Variants in TAOK3 observed in about 807,000 individuals in gnomAD.
TAOK3 encodes the protein TAO kinase 3.
TAOK3 carries 40 observed loss-of-function variants against 120.4 expected under a neutral mutation model. The ratio of observed to expected loss-of-function variants is 0.33; its 90% CI spans 0.26 to 0.43. The LOEUF (loss-of-function observed/expected upper bound fraction) is 0.43. Among genes scored for constraint, TAOK3 ranks in the 20% least tolerant of loss-of-function variants. The probability of loss-of-function intolerance (pLI) is 1.00; values close to 1 mark genes in which losing one functional copy is unlikely to be tolerated. For synonymous variants in TAOK3, 355 were observed against 387.5 expected, an observed-to-expected ratio of 0.92 and a Z score of 0.99; for missense variants, 821 against 1,112.1, an observed-to-expected ratio of 0.74 and a Z score of 3.72.
intron 11 of TAOK3, among the ~76,000 whole-genome samples, chr12:118,206,855 A>G (rs1254229531): frequency 1.3e-5 from 2 of 151,892 alleles, no homozygotes; most frequent in Non-Finnish European, 2.9e-5. Flanking sequence ...TCAGCCTCCA[A>G]AAGTGCTGGG....
chr12:118,188,868 G>A (rs1009576431), intron 14 of TAOK3, among the ~76,000 whole-genome samples: 2 of 152,216 alleles, frequency 1.3e-5, no homozygotes, highest in African/African-American at 4.8e-5. Context: ...TGAGAAGTGA[G>A]ATTCAGAAGC....
chr12:118,225,646 A>C (rs1005860766), intron 9 of TAOK3, among the ~76,000 whole-genome samples: 2 of 152,172 alleles, frequency 1.3e-5, no homozygotes, highest in African/African-American at 4.8e-5. Context: ...TACTACCGTT[A>C]AATATTCACC....
chr12:118,304,677 T>C (rs1566090403), intron 1 of TAOK3, among the ~76,000 whole-genome samples: 3 of 152,232 alleles, frequency 2.0e-5, no homozygotes, highest in Non-Finnish European at 4.4e-5. Context: ...GTTATATGTG[T>C]ACAACTTGTA....
At chr12:118,153,656 G>A (rs1340242902) in intron 19 of TAOK3, among the ~76,000 whole-genome samples, 1 of 152,192 alleles carries the variant, frequency 6.6e-6, no homozygotes, top group Non-Finnish European at 1.5e-5. Flanking sequence ...CAGGCCCACA[G>A]TTTGGCTGAG....
intron 1 of TAOK3, among the ~76,000 whole-genome samples, chr12:118,363,755 T>TGAGAGA (rs112300856): frequency 1.4e-5 from 2 of 141,684 alleles, no homozygotes; most frequent in African/African-American, 5.1e-5. Flanking sequence ...TGTGTGTGTG[T>TGAGAGA]GAGAGAGAGA....
At chr12:118,322,538 A>G (rs2043755713) in intron 1 of TAOK3, among the ~76,000 whole-genome samples, 2 of 151,968 alleles carry the variant, frequency 1.3e-5, no homozygotes, top group African/African-American at 4.8e-5. Flanking sequence ...GGTCTCTGAT[A>G]TAACTATTCA....
chr12:118,333,505 A>T (rs1254577623), intron 1 of TAOK3, among the ~76,000 whole-genome samples: 2 of 152,246 alleles, frequency 1.3e-5, no homozygotes, highest in East Asian at 3.9e-4. Flanking sequence ...GGAAATGCAT[A>T]CTATTAAATG....
chr12:118,205,847 G>GC (rs1180636296), intron 11 of TAOK3, among the ~76,000 whole-genome samples: 2 of 151,918 alleles, frequency 1.3e-5, no homozygotes, highest in Non-Finnish European at 2.9e-5. Flanking sequence ...CTGACCTTAG[G>GC]TGATCCACCC....
chr12:118,197,111 A>G (rs1311196865), intron 13 of TAOK3, among the ~76,000 whole-genome samples: 3 of 152,164 alleles, frequency 2.0e-5, no homozygotes, highest in Non-Finnish European at 4.4e-5. Flanking sequence ...CAAGAACTAA[A>G]TGGATTTCAT....
chr12:118,171,582 C>T (rs2035998802), intron 17 of TAOK3, among the ~76,000 whole-genome samples: 1 of 152,206 alleles, frequency 6.6e-6, no homozygotes, highest in South Asian at 2.1e-4. Flanking sequence ...GTCTCAAACT[C>T]CTGACCTCAA....
chr12:118,312,563 T>C (rs796150589), intron 1 of TAOK3, among the ~76,000 whole-genome samples: 10 of 152,302 alleles, frequency 6.6e-5, no homozygotes, highest in African/African-American at 2.4e-4. Flanking sequence ...TAATATCTAA[T>C]TCAATAAGCA....
At chr12:118,198,847 G>A (rs946083139) in intron 13 of TAOK3, 7 of 586,110 alleles carry the variant, frequency 1.2e-5, no homozygotes, top group Non-Finnish European at 1.5e-5. Flanking sequence ...AGAGTAATGA[G>A]AGAGGGAGAT....
At chr12:118,155,051 T>C (rs2034721113) in intron 19 of TAOK3, among the ~76,000 whole-genome samples, 1 of 151,666 alleles carries the variant, frequency 6.6e-6, no homozygotes, top group African/African-American at 2.4e-5. Flanking sequence ...GCTAGAGTGC[T>C]GTGGTGTGAT....
chr12:118,295,210 T>G (rs2042633743), intron 1 of TAOK3: 1 of 149,848 alleles, frequency 6.7e-6, no homozygotes, highest in African/African-American at 2.4e-5. Flanking sequence ...CCAGCTAATT[T>G]TTGTATTTTT....
At chr12:118,311,229 G>A (rs1021193973) in intron 1 of TAOK3, among the ~76,000 whole-genome samples, 3 of 152,204 alleles carry the variant, frequency 2.0e-5, no homozygotes, top group Non-Finnish European at 2.9e-5. Context: ...GGGAGACCGA[G>A]GCAGGTGGAT....
intron 1 of TAOK3, among the ~76,000 whole-genome samples, chr12:118,334,694 T>G (rs1308627764): frequency 6.6e-6 from 1 of 151,366 alleles, no homozygotes; most frequent in Non-Finnish European, 1.5e-5. Flanking sequence ...GCCAACATGG[T>G]GAAACTCTCG....
chr12:118,351,135 C>T (rs1308483334), intron 1 of TAOK3, among the ~76,000 whole-genome samples: 1 of 152,044 alleles, frequency 6.6e-6, no homozygotes, highest in Non-Finnish European at 1.5e-5. Context: ...ACTGAGATCA[C>T]AGCACTGCAC....
chr12:118,300,348 A>ATCTG (rs1319009547), intron 1 of TAOK3, among the ~76,000 whole-genome samples: 1 of 152,204 alleles, frequency 6.6e-6, no homozygotes, highest in Admixed American at 6.5e-5. Context: ...CTGAATTTGC[A>ATCTG]TCTGTCTGAG....
chr12:118,273,508 GA>G (rs896272093), intron 1 of TAOK3, among the ~76,000 whole-genome samples: 1 of 142,586 alleles, frequency 7.0e-6, no homozygotes, highest in Non-Finnish European at 1.5e-5. Flanking sequence ...GTCTCAAAAA[GA>G]AAAAAAAGAA....
Sources: allele counts gnomAD v4.1 joint callset (sites outside exome capture counted in the v4.1 genomes callset), GRCh38; gene constraint gnomAD v4.1.1; transcripts MANE v1.5; gene names NCBI Gene and HGNC (gene_info 2026-07-23, HGNC 2026-07-21).